The following RAB20 variants were observed in gnomAD, a reference collection of about 807,000 sequenced individuals.
The protein encoded by RAB20 is ras-related protein Rab-20.
A neutral mutation model predicts 3.7 loss-of-function variants in RAB20; 2 were observed. The ratio of observed to expected loss-of-function variants is 0.54; its 90% CI spans 0.22 to 1.69. The LOEUF (loss-of-function observed/expected upper bound fraction) is 1.69, where lower values mean the gene tolerates loss of function less well. Among genes scored for constraint, RAB20 ranks in the 40% most tolerant of loss-of-function variants. The probability of loss-of-function intolerance (pLI) is 0.19; values close to 1 mark genes in which losing one functional copy is unlikely to be tolerated. For synonymous variants in RAB20, 126 were observed against 130.8 expected (o/e 0.96, Z 0.25); for missense variants, 276 against 311.9 (o/e 0.88, Z 0.87).
chr13:110,548,808 T>TCATCTGCAC (rs1473266764), intron 1 of RAB20, among the ~76,000 whole-genome samples: 1 of 152,000 alleles, frequency 6.6e-6, no homozygotes, highest in African/African-American at 2.4e-5. Context: ...CTCAGCTTCC[T>TCATCTGCAC]CATCTGCACC....
chr13:110,552,609 C>T (rs1319453911), intron 1 of RAB20, among the ~76,000 whole-genome samples: 1 of 151,470 alleles, frequency 6.6e-6, no homozygotes, highest in African/African-American at 2.4e-5. Context: ...AGGAGAATGG[C>T]GTGAACCCAG....
intron 1 of RAB20, among the ~76,000 whole-genome samples, chr13:110,543,776 T>TATTA (rs59629529): frequency 0.26 from 37,630 of 145,922 alleles, 4,930 homozygotes; most frequent in Middle Eastern, 0.34. Flanking sequence ...TGTGGGTTAT[T>TATTA]TTTTTTTTTT....
intron 1 of RAB20, among the ~76,000 whole-genome samples, chr13:110,543,726 A>T (rs1317162953): frequency 1.3e-5 from 2 of 150,442 alleles, no homozygotes; most frequent in Non-Finnish European, 2.9e-5. Flanking sequence ...TTCTTCTAAT[A>T]GTTATAGTTT....
At chr13:110,529,824 C>G (rs989420314) in intron 1 of RAB20, among the ~76,000 whole-genome samples, 1 of 152,108 alleles carries the variant, frequency 6.6e-6, no homozygotes, top group Non-Finnish European at 1.5e-5. Flanking sequence ...GGTGAGTGAC[C>G]GGAGCCTGGG....
At chr13:110,525,645 C>T (rs778001249) in intron 1 of RAB20, among the ~76,000 whole-genome samples, 12 of 152,248 alleles carry the variant, frequency 7.9e-5, no homozygotes, top group Admixed American at 2.0e-4. Flanking sequence ...CTGGCCAAGG[C>T]AGGTGTTCCT....
intron 1 of RAB20, among the ~76,000 whole-genome samples, chr13:110,531,596 G>A (rs2025904): frequency 0.68 from 103,961 of 152,034 alleles, 35,872 homozygotes; most frequent in African/African-American, 0.74. Flanking sequence ...GCACACAGGT[G>A]AACTGGCTGG....
chr13:110,535,126 G>A (rs117457856), intron 1 of RAB20, among the ~76,000 whole-genome samples: 1,844 of 152,268 alleles, frequency 0.012, 16 homozygotes, highest in Middle Eastern at 0.034. Flanking sequence ...GAGCCACCAC[G>A]CCCAGCCCAG....
chr13:110,534,982 T>C (rs899104281), intron 1 of RAB20, among the ~76,000 whole-genome samples: 1 of 148,724 alleles, frequency 6.7e-6, no homozygotes, highest in East Asian at 2.0e-4. Flanking sequence ...TACAGGTGTG[T>C]ACCACCACGC....
intron 1 of RAB20, among the ~76,000 whole-genome samples, chr13:110,543,729 T>C (rs1191969716): frequency 6.6e-6 from 1 of 152,074 alleles, no homozygotes; most frequent in Non-Finnish European, 1.5e-5. Context: ...TTCTAATAGT[T>C]ATAGTTTCAG....
At chr13:110,547,627 A>G (rs1884877017) in intron 1 of RAB20, among the ~76,000 whole-genome samples, 1 of 152,200 alleles carries the variant, frequency 6.6e-6, no homozygotes, top group South Asian at 2.1e-4. Context: ...AAATCCTCGG[A>G]CAGGTCTGCC....
intron 1 of RAB20, among the ~76,000 whole-genome samples, chr13:110,552,378 CAAA>C (rs34348476): frequency 8.2e-6 from 1 of 121,534 alleles, no homozygotes; most frequent in Admixed American, 8.9e-5. Flanking sequence ...GACTCTGTCT[CAAA>C]AAAAAAAAAA....
At chr13:110,532,885 T>C (rs1884569065) in intron 1 of RAB20, among the ~76,000 whole-genome samples, 1 of 152,126 alleles carries the variant, frequency 6.6e-6, no homozygotes, top group Non-Finnish European at 1.5e-5. Context: ...CTTACTATGC[T>C]ACCCAGGCTG....
At chr13:110,550,104 G>A (rs977720247) in intron 1 of RAB20, among the ~76,000 whole-genome samples, 7 of 152,086 alleles carry the variant, frequency 4.6e-5, no homozygotes, top group African/African-American at 1.4e-4. Flanking sequence ...CCAGAAAACA[G>A]GGTTCAGGGA....
chr13:110,523,092 T>A lies in RAB20; in HGVS notation c.*573A>T. On this transcript the variant is annotated 3_prime_UTR_variant, in exon 2 of 2. Coordinates refer to ENST00000267328, the MANE Select transcript of RAB20 (RefSeq NM_017817.3). ...AAGTTGTTCCAAAAATCCTCTTTAA[T>A]AATACATGTAGCCAACATTGCTGCA... is the stretch of plus-strand genomic sequence containing the variant. The A allele has an allele frequency of 2.6e-6, 1 of 386,768 alleles. No homozygotes were observed. The highest frequency in any genetic ancestry group is 3.7e-5 in the East Asian group (1 of 27,160). 24.0% of individuals were successfully genotyped at this position (386,768 alleles called of 1,614,324 possible).
intron 1 of RAB20, among the ~76,000 whole-genome samples, chr13:110,544,725 T>G (rs948415533): frequency 6.6e-6 from 1 of 151,446 alleles, no homozygotes; most frequent in Non-Finnish European, 1.5e-5. Flanking sequence ...CAGAGAGGAG[T>G]GCCACAGTGA....
At chr13:110,525,674 G>A (rs1007941730) in intron 1 of RAB20, among the ~76,000 whole-genome samples, 5 of 152,226 alleles carry the variant, frequency 3.3e-5, no homozygotes, top group African/African-American at 4.8e-5. Flanking sequence ...TGCAGTGCAC[G>A]CAGCAGGTGA....
rs71440072 is a variant in RAB20, at chr13:110,552,824, A to C, written c.172+8524T>G. Among the ~76,000 whole-genome samples, 658 of 152,352 alleles carry C rather than the reference A, an allele frequency of 4.3e-3. 4 individuals carry two copies. The highest frequency in any genetic ancestry group is 5.7e-3 in the Non-Finnish European group (391 of 68,030). ...AGTGTGACTCAGGTGCTCGTTAACA[A>C]ACACAGTTGACCTTAATTAAGTTTC... On this transcript the variant is annotated intron_variant, in intron 1 of 1. Coordinates refer to ENST00000267328, the MANE Select transcript of RAB20 (RefSeq NM_017817.3).
chr13:110,561,200 G>C lies in RAB20; in HGVS notation c.172+148C>G, dbSNP rs1166242714. On this transcript the variant is annotated intron_variant, in intron 1 of 1. Coordinates refer to ENST00000267328, the MANE Select transcript of RAB20 (RefSeq NM_017817.3). ...AGGCAGCGCTCAGCCCAACCAGCAAGGGAGGACGAGTGGGAAACCCCGAGA... is the reference window on the plus strand; with the variant it reads ...AGGCAGCGCTCAGCCCAACCAGCAACGGAGGACGAGTGGGAAACCCCGAGA... 3.7e-6 allele frequency: 4 copies of C among 1,081,948 alleles called. No individual in the cohort carries two copies. In the African/African-American group the frequency reaches 6.8e-5, roughly 18 times the overall value. The allele number at this position is 1,081,948 out of a possible 1,614,324, so 67.0% of individuals were successfully genotyped here.
intron 1 of RAB20, among the ~76,000 whole-genome samples, chr13:110,543,169 C>T (rs1232933940): frequency 6.6e-6 from 1 of 152,188 alleles, no homozygotes; most frequent in Non-Finnish European, 1.5e-5. Context: ...CAAAGTCTCA[C>T]TCTGTCACCC....
Sources: allele counts gnomAD v4.1 joint callset (sites outside exome capture counted in the v4.1 genomes callset), GRCh38; gene constraint gnomAD v4.1.1; transcripts MANE v1.5; gene names NCBI Gene and HGNC (gene_info 2026-07-23, HGNC 2026-07-21).